Variants in TXK observed in about 807,000 individuals in gnomAD.
The protein encoded by TXK is tyrosine-protein kinase TXK.
A neutral mutation model predicts 81.0 loss-of-function variants in TXK; 60 were observed. That is an observed-to-expected ratio of 0.74 (90% CI 0.60 to 0.92). The LOEUF is 0.92. TXK is among the 40% of genes least tolerant of loss of function. TXK has a pLI of 0.00. For missense variants in TXK, 581 were observed against 638.3 expected, an observed-to-expected ratio of 0.91 and a Z score of 0.97; for synonymous variants, 203 against 210.7, an observed-to-expected ratio of 0.96 and a Z score of 0.32.
At chr4:48,107,579 T>C (rs1443261293) in intron 5 of TXK, among the ~76,000 whole-genome samples, 2 of 152,070 alleles carry the variant, frequency 1.3e-5, no homozygotes, top group Non-Finnish European at 2.9e-5. Flanking sequence ...CCGGGGTACA[T>C]GTACAGGATA....
intron 1 of TXK, among the ~76,000 whole-genome samples, chr4:48,129,689 C>G (rs138816276): frequency 6.6e-6 from 1 of 152,280 alleles, no homozygotes; most frequent in African/African-American, 2.4e-5. Flanking sequence ...CAGCAGCCAC[C>G]CAAACCCTTG....
In TXK at chr4:48,067,562, C is replaced by T; in HGVS notation, c.*75G>A. On this transcript the variant is annotated 3_prime_UTR_variant, in exon 15 of 15. Transcript: ENST00000264316. ...GAAGAAAGATATTCACCATAAGTGACCCCATATGGTGAAGATATTCACAAT... is the reference window on the plus strand; with the variant it reads ...GAAGAAAGATATTCACCATAAGTGATCCCATATGGTGAAGATATTCACAAT... 1 of 1,389,122 alleles carries T rather than the reference C, an allele frequency of 7.2e-7. No homozygotes were observed. Among genetic ancestry groups the T allele is most frequent in the Non-Finnish European group, 1.0e-6 (1 of 974,988 alleles). The allele number at this position is 1,389,122 out of a possible 1,614,324, so 86.0% of individuals were successfully genotyped here. A position where few individuals can be genotyped will look rare whatever the true frequency, so the allele number is the denominator to read the frequency against.
intron 8 of TXK, among the ~76,000 whole-genome samples, 172 bp downstream of exon 8, chr4:48,093,905 A>G (rs1029918216): frequency 7.2e-5 from 11 of 152,242 alleles, no homozygotes; most frequent in African/African-American, 2.7e-4. Flanking sequence ...CCAACCAGAA[A>G]AATGAAGAGG....
At chr4:48,125,108 C>T (rs950641716) in intron 1 of TXK, among the ~76,000 whole-genome samples, 22 of 152,328 alleles carry the variant, frequency 1.4e-4, no homozygotes, top group African/African-American at 4.1e-4. Context: ...ATTATGATCC[C>T]CATCTTACAC....
At chr4:48,131,266 A>G (rs533731464) in intron 1 of TXK, among the ~76,000 whole-genome samples, 35 of 152,080 alleles carry the variant, frequency 2.3e-4, no homozygotes, top group Non-Finnish European at 4.4e-4. Flanking sequence ...TTCTATGACA[A>G]TGCTTAAAAC....
chr4:48,097,387 G>A lies in TXK; in HGVS notation c.502-2165C>T, dbSNP rs566976031. 1.1e-4 allele frequency among the ~76,000 whole-genome samples: 16 copies of A among 150,472 alleles called. No individual in the cohort carries two copies. The South Asian group carries it at 2.9e-3, about 28-fold the overall frequency. ...TTAGGAATCTTAATGGACCTGTTGAGTAGAAAAATTGATTGGGTTTTTAAA... is the reference window on the plus strand; with the variant it reads ...TTAGGAATCTTAATGGACCTGTTGAATAGAAAAATTGATTGGGTTTTTAAA... On this transcript the variant is annotated intron_variant, in intron 6 of 14. Transcript: ENST00000264316.
At chr4:48,082,444 C>T (rs2109412817) in intron 10 of TXK, among the ~76,000 whole-genome samples, 1 of 152,332 alleles carries the variant, frequency 6.6e-6, no homozygotes. Context: ...TTGGTCTCCA[C>T]AACTCTTTAG....
In TXK at chr4:48,089,735, G is replaced by A. The variant is rs369368913; in HGVS notation, c.784+15C>T. The A allele has an allele frequency of 4.4e-6, 7 of 1,607,430 alleles. No homozygotes were observed. The African/African-American group carries it at 6.7e-5, about 15-fold the overall frequency. ...TGGATTTGCTATTTTACTTCAGCAT[G>A]TGTGCACACTTTACCGTAGCTAAAC... On this transcript the variant is annotated intron_variant, in intron 9 of 14. Coordinates refer to ENST00000264316, the MANE Select transcript of TXK (RefSeq NM_003328.3).
intron 9 of TXK, among the ~76,000 whole-genome samples, chr4:48,088,422 A>T (rs1227677837): frequency 1.3e-5 from 2 of 152,164 alleles, no homozygotes; most frequent in Non-Finnish European, 2.9e-5. Context: ...AACAACCCGA[A>T]TGGCCATCTA....
At chr4:48,077,700 T>C (rs1162202554) in intron 11 of TXK, among the ~76,000 whole-genome samples, 1 of 152,042 alleles carries the variant, frequency 6.6e-6, no homozygotes, top group African/African-American at 2.4e-5. Context: ...AGGTGCTGGA[T>C]ACGAGGGAAT....
intron 10 of TXK, 38 bp downstream of exon 10, chr4:48,086,428 C>CGTGGT (rs1560345426): frequency 6.2e-7 from 1 of 1,603,656 alleles, no homozygotes; most frequent in Non-Finnish European, 8.5e-7. Context: ...GACACCAGGG[C>CGTGGT]ATGGTATGAT....
Position 48,114,400 on chromosome 4 carries a change from T to C in TXK, c.19A>G (p.Asn7Asp), listed in dbSNP as rs751542243. 3.1e-6 allele frequency: 5 copies of C among 1,614,124 alleles called. No individual in the cohort carries two copies. The East Asian group carries it at 8.9e-5, about 29-fold the overall frequency. Residue 7 changes from asparagine to aspartate, a missense_variant and splice_region_variant, in exon 2 of 15, where the codon AAC (asparagine) becomes GAC (aspartate). Coordinates refer to ENST00000264316, the MANE Select transcript of TXK (RefSeq NM_003328.3). The part of the protein sequence containing the change: MILSSY[N>D]TIQSVFCCCC... Reference sequence around the variant, plus strand: ...CAACAGAAAACCGACTGGATGGTGTTATCTGAAAAGCAGATCATTTCTCAG... The same window carrying C: ...CAACAGAAAACCGACTGGATGGTGTCATCTGAAAAGCAGATCATTTCTCAG...
chr4:48,078,472 C>T lies in TXK; in HGVS notation c.1173+1440G>A, dbSNP rs77065556. ...TATCAGGGATTTCTCATAGACTTCT[C>T]CAATTCTCATTTGAGTTAATTTTTA... On this transcript the variant is annotated intron_variant, in intron 11 of 14. Transcript: ENST00000264316. Among the ~76,000 whole-genome samples the T allele has an allele frequency of 2.8e-3, 430 of 152,278 alleles. 4 individuals carry two copies. The highest frequency in any genetic ancestry group is 1.0e-2 in the African/African-American group (415 of 41,552).
intron 12 of TXK, among the ~76,000 whole-genome samples, chr4:48,075,316 T>C (rs1717023948): frequency 6.6e-6 from 1 of 152,064 alleles, no homozygotes; most frequent in African/African-American, 2.4e-5. Flanking sequence ...TGGATGTGCC[T>C]AGGTAAATGA....
At chr4:48,071,854 C>T (rs924797422) in intron 13 of TXK, among the ~76,000 whole-genome samples, 180 bp from the exon 14 acceptor site, 21 of 152,122 alleles carry the variant, frequency 1.4e-4, no homozygotes, top group African/African-American at 4.8e-4. Context: ...TTCAAAGAGG[C>T]CTGTAACCTG....
intron 5 of TXK, 88 bp from the exon 6 acceptor site, chr4:48,105,043 A>C (rs1718407507): frequency 1.2e-6 from 1 of 851,152 alleles, no homozygotes; most frequent in African/African-American, 1.7e-5. Context: ...TTAAGAACTT[A>C]CTTCAGAACT....
rs1717530378 is a variant in TXK, at chr4:48,086,406, T to C, written c.956+60A>G. ...CAGGTGTGGCTGCCTCCAAAGCTCA[T>C]GTTGTTTCCATGACACCAGGGCATG... On this transcript the variant is annotated intron_variant, in intron 10 of 14. Transcript: ENST00000264316. 1.3e-5 allele frequency: 20 copies of C among 1,568,202 alleles called. No individual in the cohort carries two copies. In the Middle Eastern group the frequency reaches 6.8e-4, roughly 53 times the overall value.
rs1717935592 is a variant in TXK at position 48,095,182 on chromosome 4, AAATGTC to A, written c.536_541del (p.Arg179_Leu181delinsIle). 1 of 1,613,722 alleles carries A rather than the reference AAATGTC, an allele frequency of 6.2e-7. No homozygotes were observed. Among genetic ancestry groups the A allele is most frequent in the African/African-American group, 1.3e-5 (1 of 74,910 alleles). On this transcript the variant is annotated inframe_deletion, in exon 7 of 15. Transcript: ENST00000264316. ...AAATACGGAAATTGTGTAGGATCCT[AAATGTC>A]TTGAATCTCTGACAATAAATGCACC...
intron 5 of TXK, 23 bp from the exon 6 acceptor site, chr4:48,104,978 T>C: frequency 6.5e-7 from 1 of 1,542,186 alleles, no homozygotes; most frequent in Non-Finnish European, 8.8e-7. Flanking sequence ...TAAAAATGAT[T>C]TTTAAATTTT....
Sources: gnomAD v4.1 joint callset for allele counts (sites outside exome capture counted in the v4.1 genomes callset) on GRCh38, gnomAD v4.1.1 for gene constraint, MANE v1.5 for transcripts, NCBI Gene and HGNC (gene_info 2026-07-23, HGNC 2026-07-21) for gene names.